The following ATG5 variants were observed in gnomAD, a reference collection of about 807,000 sequenced individuals.
The protein encoded by ATG5 is autophagy protein 5.
In ATG5, 14 loss-of-function variants were observed where a neutral mutation model predicts 36.5. The observed-to-expected ratio is 0.38, with a 90% CI of 0.25 to 0.60. The LOEUF is 0.60. Ranked by LOEUF, ATG5 falls within the 20% of genes least tolerant of loss-of-function variation. ATG5 has a pLI of 0.60. For synonymous variants in ATG5, 95 were observed against 101.5 expected, an observed-to-expected ratio of 0.94 and a Z score of 0.38; for missense variants, 195 against 326.7, an observed-to-expected ratio of 0.60 and a Z score of 3.11.
intron 6 of ATG5, among the ~76,000 whole-genome samples, chr6:106,210,746 T>C (rs1412055767): frequency 6.6e-6 from 1 of 152,250 alleles, no homozygotes; most frequent in South Asian, 2.1e-4. Context: ...GTGTGTCAAT[T>C]GTATCATCTA....
At chr6:106,230,826 T>A (rs2114461965) in intron 6 of ATG5, among the ~76,000 whole-genome samples, 1 of 152,224 alleles carries the variant, frequency 6.6e-6, no homozygotes, top group Middle Eastern at 3.4e-3. Context: ...GAGGGAAGCA[T>A]AAATTATAAC....
At chr6:106,229,217 G>C (rs766653370) in intron 6 of ATG5, among the ~76,000 whole-genome samples, 3 of 151,598 alleles carry the variant, frequency 2.0e-5, no homozygotes, top group African/African-American at 7.3e-5. Flanking sequence ...TCTATGCTGC[G>C]CCCTTAGGCA....
At chr6:106,230,528 G>A (rs542736856) in intron 6 of ATG5, among the ~76,000 whole-genome samples, 280 of 152,236 alleles carry the variant, frequency 1.8e-3, no homozygotes, top group African/African-American at 6.3e-3. Context: ...TAACTAATCC[G>A]ATAAGCAGAG....
Position 106,308,414 on chromosome 6 carries a change from T to C in ATG5, c.186A>G (p.Gln62=). ...CAAACCATATCTCACTAATGTCTTC[T>C]TGTCTCATAACCTTCTGAAAGTGCT... The part of the protein sequence containing the change: ...VKKHFQKVMR[Q]EDISEIWFEY... Residue 62 remains glutamine (Q), a synonymous_variant, in exon 3 of 8, where the codon CAA becomes CAG. Transcript: ENST00000369076. The C allele has an allele frequency of 6.3e-7, 1 of 1,599,874 alleles. No individual in the cohort carries two copies. The highest frequency in any genetic ancestry group is 8.5e-7 in the Non-Finnish European group (1 of 1,174,270).
chr6:106,259,765 G>A (rs1049709550), intron 5 of ATG5, among the ~76,000 whole-genome samples: 4 of 152,190 alleles, frequency 2.6e-5, no homozygotes, highest in Non-Finnish European at 4.4e-5. Flanking sequence ...TAAAATACCT[G>A]TGGGACAAAA....
At chr6:106,276,701 C>T (rs894443342) in intron 5 of ATG5, among the ~76,000 whole-genome samples, 38 of 152,276 alleles carry the variant, frequency 2.5e-4, no homozygotes, top group African/African-American at 8.9e-4. Context: ...AGAACACCTA[C>T]TTAACTGTCT....
Position 106,231,745 on chromosome 6 carries a change from G to A in ATG5, c.573+16405C>T, listed in dbSNP as rs559130370. 1.0e-3 allele frequency among the ~76,000 whole-genome samples: 154 copies of A among 152,138 alleles called. 1 individual carries two copies. The highest frequency in any genetic ancestry group is 4.8e-3 in the Admixed American group (74 of 15,282). The stretch of plus-strand genomic sequence containing the variant: ...AAAAAACTTCAAAAGTCTGCCTTAG[G>A]CCCGGAACAAAACTTAGAAACCCTA... On this transcript the variant is annotated intron_variant, in intron 6 of 7. Coordinates refer to ENST00000369076, the MANE Select transcript of ATG5 (RefSeq NM_004849.4).
chr6:106,316,962 C>G (rs777887909), intron 1 of ATG5, among the ~76,000 whole-genome samples: 1 of 152,126 alleles, frequency 6.6e-6, no homozygotes, highest in African/African-American at 2.4e-5. Context: ...CCCTACTCTG[C>G]AAACCATGCT....
At chr6:106,322,465 T>C (rs911328047) in intron 1 of ATG5, among the ~76,000 whole-genome samples, 5 of 152,206 alleles carry the variant, frequency 3.3e-5, no homozygotes, top group African/African-American at 1.2e-4. Context: ...TTTCCTACTC[T>C]TCCCTAGTCC....
intron 7 of ATG5, among the ~76,000 whole-genome samples, chr6:106,187,512 T>A (rs543764362): frequency 9.9e-5 from 15 of 150,904 alleles, no homozygotes; most frequent in African/African-American, 2.9e-4. Context: ...AAAAAAAAAA[T>A]AGAACCATCA....
intron 6 of ATG5, among the ~76,000 whole-genome samples, chr6:106,213,402 C>T (rs1308850380): frequency 6.6e-6 from 1 of 152,060 alleles, no homozygotes; most frequent in Non-Finnish European, 1.5e-5. Flanking sequence ...GAAGCTATAT[C>T]AGTAGGTACA....
intron 6 of ATG5, among the ~76,000 whole-genome samples, chr6:106,207,536 T>A (rs559993955): frequency 0.022 from 3,139 of 145,884 alleles, 101 homozygotes; most frequent in African/African-American, 0.076. Flanking sequence ...CCTCATCTCT[T>A]AAAAAAAAAA....
chr6:106,194,297 C>A (rs1162203588), intron 7 of ATG5, among the ~76,000 whole-genome samples: 1 of 152,092 alleles, frequency 6.6e-6, no homozygotes, highest in Non-Finnish European at 1.5e-5. Flanking sequence ...ATCACACTGA[C>A]AAATGTGATT....
intron 6 of ATG5, among the ~76,000 whole-genome samples, chr6:106,247,237 C>T (rs757809206): frequency 3.3e-4 from 50 of 152,036 alleles, no homozygotes; most frequent in African/African-American, 1.2e-3. Context: ...GAGTCTAAGC[C>T]TGTGACATTA....
At chr6:106,273,001 C>G (rs1283857389) in intron 5 of ATG5, among the ~76,000 whole-genome samples, 1 of 152,162 alleles carries the variant, frequency 6.6e-6, no homozygotes, top group Non-Finnish European at 1.5e-5. Flanking sequence ...GATATAGATT[C>G]ATTCTACTAT....
At chr6:106,284,409 T>A (rs1332979444) in intron 4 of ATG5, among the ~76,000 whole-genome samples, 1 of 152,188 alleles carries the variant, frequency 6.6e-6, no homozygotes, top group African/African-American at 2.4e-5. Context: ...CAGGCTGGGT[T>A]GCAGACATGC....
In ATG5 at chr6:106,250,354, G is replaced by A. The variant is rs572374218; in HGVS notation, c.479-2110C>T. ...TCAACTCCAATGTGAAGGAAGACTC[G>A]CAGTATATTAGAAATGGTGTGAGAG... On this transcript the variant is annotated intron_variant, in intron 5 of 7. Coordinates refer to ENST00000369076, the MANE Select transcript of ATG5 (RefSeq NM_004849.4). Among the ~76,000 whole-genome samples, 40 of 152,258 alleles carry A rather than the reference G, an allele frequency of 2.6e-4. No homozygotes were observed. In the East Asian group the frequency reaches 5.8e-3, roughly 22 times the overall value.
chr6:106,235,861 A>C (rs1352166833), intron 6 of ATG5, among the ~76,000 whole-genome samples: 5 of 152,208 alleles, frequency 3.3e-5, no homozygotes, highest in Non-Finnish European at 7.3e-5. Flanking sequence ...AATAAAAGGA[A>C]TACATTTTAA....
intron 4 of ATG5, among the ~76,000 whole-genome samples, chr6:106,289,668 TA>T (rs35671416): frequency 0.37 from 55,805 of 151,740 alleles, 10,470 homozygotes; most frequent in Admixed American, 0.49. Flanking sequence ...CTGAAACATT[TA>T]AAAAAAACAT....
Sources: gnomAD v4.1 joint callset for allele counts (sites outside exome capture counted in the v4.1 genomes callset) on GRCh38, gnomAD v4.1.1 for gene constraint, MANE v1.5 for transcripts, NCBI Gene and HGNC (gene_info 2026-07-23, HGNC 2026-07-21) for gene names.